Variants in TMEM127 observed in about 807,000 individuals in gnomAD.
TMEM127 encodes the protein transmembrane protein 127.
A neutral mutation model predicts 20.1 loss-of-function variants in TMEM127; 21 were observed. That is an observed-to-expected ratio of 1.04 (90% CI 0.74 to 1.50). The LOEUF is 1.50. Among genes scored for constraint, TMEM127 ranks in the 40% most tolerant of loss-of-function variants. The probability of loss-of-function intolerance (pLI) is 0.00; values close to 1 mark genes in which losing one functional copy is unlikely to be tolerated. For synonymous variants in TMEM127, 150 were observed against 144.7 expected (o/e 1.04, Z -0.26); for missense variants, 303 against 317.4 (o/e 0.95, Z 0.34).
At chr2:96,264,304 C>A (rs1684369070) in intron 2 of TMEM127, among the ~76,000 whole-genome samples, 1 of 152,206 alleles carries the variant, frequency 6.6e-6, no homozygotes, top group African/African-American at 2.4e-5. Context: ...GAATGCATCA[C>A]AGCCAGGGAA....
chr2:96,264,646 G>A (rs1262862611), intron 2 of TMEM127, among the ~76,000 whole-genome samples: 1 of 152,174 alleles, frequency 6.6e-6, no homozygotes, highest in African/African-American at 2.4e-5. Context: ...GTTGTACTGC[G>A]GGTGGCAATG....
chr2:96,256,704 A>C (rs1396523971), intron 2 of TMEM127, among the ~76,000 whole-genome samples: 1 of 152,202 alleles, frequency 6.6e-6, no homozygotes, highest in Non-Finnish European at 1.5e-5. Flanking sequence ...TGCAGCTACA[A>C]GAAAGTATTA....
intron 2 of TMEM127, among the ~76,000 whole-genome samples, chr2:96,257,376 C>T (rs978689827): frequency 5.9e-5 from 9 of 151,706 alleles, no homozygotes; most frequent in Non-Finnish European, 5.9e-5. Context: ...GCAGGAGAAT[C>T]GCTTGAACCC....
chr2:96,257,319 G>A (rs772148049), intron 2 of TMEM127, among the ~76,000 whole-genome samples: 2 of 151,808 alleles, frequency 1.3e-5, no homozygotes, highest in African/African-American at 2.4e-5. Flanking sequence ...AAAATTAGCC[G>A]GCCGTGGTGG....
intron 2 of TMEM127, 71 bp from the exon 3 acceptor site, chr2:96,255,068 G>GT: frequency 6.3e-7 from 1 of 1,589,566 alleles, no homozygotes; most frequent in South Asian, 1.1e-5. Flanking sequence ...CCTAGAAGGA[G>GT]TTTGATTCCC....
rs1553437743 is a variant in TMEM127 at position 96,265,301 on chromosome 2, C to G, written c.81G>C (p.Pro27=). 1 of 1,546,616 alleles carries G rather than the reference C, an allele frequency of 6.5e-7. No homozygotes were observed. The highest frequency in any genetic ancestry group is 1.9e-5 in the Admixed American group (1 of 52,206). Reference sequence around the variant, plus strand: ...GCAGGGCCGAGGCCAGGCTACGCTCCGGCTGCTTGGGCAGAGCGCTGCCTC... The same window carrying G: ...GCAGGGCCGAGGCCAGGCTACGCTCGGGCTGCTTGGGCAGAGCGCTGCCTC... ...SPGGSALPKQ[P]ERSLASALPG... The change falls in exon 2 of 4, where the codon CCG becomes CCC. Residue 27 remains proline (P), a synonymous_variant. Transcript: ENST00000258439.
At chr2:96,264,244 G>A (rs1483953834) in intron 2 of TMEM127, among the ~76,000 whole-genome samples, 2 of 152,182 alleles carry the variant, frequency 1.3e-5, no homozygotes, top group Non-Finnish European at 2.9e-5. Context: ...GAGGTAACAC[G>A]CAGATATCTA....
chr2:96,263,802 G>C (rs1181659079), intron 2 of TMEM127, among the ~76,000 whole-genome samples: 2 of 152,114 alleles, frequency 1.3e-5, no homozygotes, highest in Non-Finnish European at 2.9e-5. Flanking sequence ...TTCTAGATCT[G>C]ATGGGTCTAG....
chr2:96,265,392 G>A lies in TMEM127; in HGVS notation c.-11C>T, dbSNP rs1558756741. ...TCCGGGGGCGTACATGCCCGGGGCC[G>A]CCCGCCGTCGCTCCGCAGTCGCTGC... On this transcript the variant is annotated 5_prime_UTR_variant, in exon 2 of 4. Transcript: ENST00000258439. 2 of 1,366,408 alleles carry A rather than the reference G, an allele frequency of 1.5e-6. No homozygotes were observed. The highest frequency in any genetic ancestry group is 1.8e-5 in the South Asian group (1 of 56,786). The allele number at this position is 1,366,408 out of a possible 1,614,324, so 84.6% of individuals were successfully genotyped here.
At position 96,265,564 on chromosome 2, in the gene TMEM127, G is replaced by A. The variant is rs564521893; in HGVS notation, c.-131-52C>T. On this transcript the variant is annotated intron_variant, in intron 1 of 3. Transcript: ENST00000258439. ...GGGGGTGGGACCCGGGGCTGACGGA[G>A]ACGGGGAGGGCTGCGGGAATTCGGG... is the stretch of plus-strand genomic sequence containing the variant. The A allele has an allele frequency of 2.1e-4, 148 of 706,326 alleles. 1 individual carries two copies. The South Asian group carries it at 3.1e-3, about 15-fold the overall frequency. The allele number at this position is 706,326 out of a possible 1,614,324, so 43.8% of individuals were successfully genotyped here.
chr2:96,250,376 G>C lies in TMEM127; in HGVS notation c.*3432C>G. 3 of 232,808 alleles carry C rather than the reference G, an allele frequency of 1.3e-5. No homozygotes were observed. Among genetic ancestry groups the C allele is most frequent in the Non-Finnish European group, 8.5e-6 (1 of 117,852 alleles). 14.4% of individuals were successfully genotyped at this position (232,808 alleles called of 1,614,324 possible). ...CAGGAAGCCTTTCATTATCACTCAG[G>C]TCAGAACTGGCTCCCTTCTGGGCAC... On this transcript the variant is annotated 3_prime_UTR_variant, in exon 4 of 4. Transcript: ENST00000258439.
At chr2:96,263,744 C>T (rs4274418) in intron 2 of TMEM127, among the ~76,000 whole-genome samples, 6 of 152,046 alleles carry the variant, frequency 3.9e-5, no homozygotes, top group Non-Finnish European at 8.8e-5. Flanking sequence ...TTTTTCTGAG[C>T]CACAGCTAAG....
rs144880727 is a variant in TMEM127 at position 96,251,986 on chromosome 2, A to G, written c.*1822T>C. ...CTGCCAATGACAAACTCAGGACTTA[A>G]CAGAAAGACTTAGTTCAGTTCCTTG... On this transcript the variant is annotated 3_prime_UTR_variant, in exon 4 of 4. Transcript: ENST00000258439. 30 of 233,342 alleles carry G rather than the reference A, an allele frequency of 1.3e-4. No homozygotes were observed. In the East Asian group the frequency reaches 1.8e-3, roughly 14 times the overall value. The allele number at this position is 233,342 out of a possible 1,614,324, so 14.5% of individuals were successfully genotyped here. A position where few individuals can be genotyped will look rare whatever the true frequency, so the allele number is the denominator to read the frequency against.
At chr2:96,261,512 T>G (rs1684311966) in intron 2 of TMEM127, among the ~76,000 whole-genome samples, 1 of 152,122 alleles carries the variant, frequency 6.6e-6, no homozygotes, top group Non-Finnish European at 1.5e-5. Context: ...TGAATGACAA[T>G]GGGAGAGTGG....
At chr2:96,260,906 A>G (rs1489008904) in intron 2 of TMEM127, among the ~76,000 whole-genome samples, 1 of 152,194 alleles carries the variant, frequency 6.6e-6, no homozygotes, top group Non-Finnish European at 1.5e-5. Flanking sequence ...TCTAGTGCCC[A>G]GCCAGGTTAT....
chr2:96,257,594 G>A (rs1419795425), intron 2 of TMEM127, among the ~76,000 whole-genome samples: 3 of 152,038 alleles, frequency 2.0e-5, no homozygotes, highest in Non-Finnish European at 4.4e-5. Flanking sequence ...ACCAGGCCAT[G>A]ATTAAGTATT....
rs1451389209 is a variant in TMEM127 at position 96,265,281 on chromosome 2, G to A, written c.101C>T (p.Ala34Val). The A allele has an allele frequency of 1.9e-6, 3 of 1,566,512 alleles. No homozygotes were observed. The highest frequency in any genetic ancestry group is 1.8e-5 in the Admixed American group (1 of 54,674). The change falls in exon 2 of 4, where the codon GCC becomes GTC. Residue 34 changes from alanine to valine, a missense_variant. Transcript: ENST00000258439. ...PKQPERSLAS[A>V]LPGALSITAL... ...CGTGATAGACAGGGCGCCAGGCAGG[G>A]CCGAGGCCAGGCTACGCTCCGGCTG...
At position 96,249,966 on chromosome 2, in the gene TMEM127, C is replaced by T. The variant is rs1367420945; in HGVS notation, c.*3842G>A. On this transcript the variant is annotated 3_prime_UTR_variant, in exon 4 of 4. Coordinates refer to ENST00000258439, the MANE Select transcript of TMEM127 (RefSeq NM_017849.4). ...AGTTGATGCCACCTTCCAGCTGCCA[C>T]GTGACAGGTGGGCAGAGACTGGGGC... The T allele has an allele frequency of 1.7e-5, 4 of 233,010 alleles. No homozygotes were observed. Among genetic ancestry groups the T allele is most frequent in the East Asian group, 6.0e-5 (1 of 16,566 alleles). 14.4% of individuals were successfully genotyped at this position (233,010 alleles called of 1,614,324 possible). A position where few individuals can be genotyped will look rare whatever the true frequency, so the allele number is the denominator to read the frequency against.
Position 96,251,678 on chromosome 2 carries a change from T to G in TMEM127, c.*2130A>C, listed in dbSNP as rs984746356. 4.3e-6 allele frequency: 1 copy of G among 233,036 alleles called. No individual in the cohort carries two copies. Among genetic ancestry groups the G allele is most frequent in the African/African-American group, 2.2e-5 (1 of 45,278 alleles). The allele number at this position is 233,036 out of a possible 1,614,324, so 14.4% of individuals were successfully genotyped here. ...TTCGTGGTTTCTGGTTTTTTTGGTT[T>G]TGTTTTCCCTTTTAATTTTTTTCTA... On this transcript the variant is annotated 3_prime_UTR_variant, in exon 4 of 4. Coordinates refer to ENST00000258439, the MANE Select transcript of TMEM127 (RefSeq NM_017849.4).
Sources: gnomAD v4.1 joint callset for allele counts (sites outside exome capture counted in the v4.1 genomes callset) on GRCh38, gnomAD v4.1.1 for gene constraint, MANE v1.5 for transcripts, NCBI Gene and HGNC (gene_info 2026-07-23, HGNC 2026-07-21) for gene names.